CTNNA2: variants seen among roughly 807,000 people sequenced by gnomAD.
CTNNA2 encodes the protein catenin alpha-2.
CTNNA2 carries 42 observed loss-of-function variants against 101.0 expected under a neutral mutation model. The ratio of observed to expected loss-of-function variants is 0.42; its 90% CI spans 0.32 to 0.54. The LOEUF is 0.54. Ranked by LOEUF, CTNNA2 falls within the 20% of genes least tolerant of loss-of-function variation. The pLI is 0.14. For synonymous variants in CTNNA2, 450 were observed against 456.4 expected (o/e 0.99, Z 0.18); for missense variants, 871 against 1,223.1 (o/e 0.71, Z 4.29).
chr2:79,831,220 G>T (rs1437678772), intron 3 of CTNNA2, among the ~76,000 whole-genome samples: 1 of 151,602 alleles, frequency 6.6e-6, no homozygotes, highest in Admixed American at 6.6e-5. Flanking sequence ...TACATTAACT[G>T]TTAAATTTTG....
intron 2 of CTNNA2, among the ~76,000 whole-genome samples, chr2:79,262,858 C>T (rs1167909780): frequency 6.6e-6 from 1 of 152,144 alleles, no homozygotes; most frequent in African/African-American, 2.4e-5. Context: ...TTTACTACTA[C>T]ATTCATTTAC....
chr2:80,627,124 T>C (rs1356996017), intron 18 of CTNNA2, among the ~76,000 whole-genome samples: 1 of 152,170 alleles, frequency 6.6e-6, no homozygotes, highest in African/African-American at 2.4e-5. Flanking sequence ...TTGATGGGCA[T>C]TTGGGTTGGT....
intron 7 of CTNNA2, among the ~76,000 whole-genome samples, chr2:80,042,303 T>C (rs1303420843): frequency 3.3e-5 from 5 of 152,176 alleles, no homozygotes; most frequent in Non-Finnish European, 7.3e-5. Flanking sequence ...TTTTTGTTTG[T>C]TTATTTGTTT....
intron 4 of CTNNA2, among the ~76,000 whole-genome samples, chr2:79,474,024 G>A (rs1400901920): frequency 1.3e-5 from 2 of 151,996 alleles, no homozygotes; most frequent in Non-Finnish European, 2.9e-5. Flanking sequence ...ATTTTAATTA[G>A]TTTAAACTAC....
intron 9 of CTNNA2, among the ~76,000 whole-genome samples, chr2:80,428,991 A>T (rs1398401108): frequency 1.3e-5 from 2 of 152,198 alleles, no homozygotes; most frequent in South Asian, 2.1e-4. Context: ...AAGTTTCTCT[A>T]ATCAATTGAG....
chr2:79,554,924 TAG>T (rs1351729275), intron 1 of CTNNA2, among the ~76,000 whole-genome samples: 13 of 152,306 alleles, frequency 8.5e-5, no homozygotes, highest in East Asian at 1.9e-4. Context: ...AGCCTATTGA[TAG>T]TTGGTATCAG....
At chr2:79,955,275 G>T (rs556882604) in intron 7 of CTNNA2, among the ~76,000 whole-genome samples, 1 of 152,150 alleles carries the variant, frequency 6.6e-6, no homozygotes. Context: ...CCCTTCATGT[G>T]GTTTAATAGA....
chr2:79,822,050 A>G (rs1678053858), intron 3 of CTNNA2, among the ~76,000 whole-genome samples: 6 of 152,304 alleles, frequency 3.9e-5, no homozygotes, highest in Middle Eastern at 3.4e-3. Context: ...TGTTTTTGCT[A>G]TTATAATTGC....
Position 80,647,668 on chromosome 2 carries a change from C to A in CTNNA2, c.2658C>A (p.Ala886=). 2.5e-6 allele frequency: 4 copies of A among 1,613,418 alleles called. No individual in the cohort carries two copies. Among genetic ancestry groups the A allele is most frequent in the Non-Finnish European group, 3.4e-6 (4 of 1,179,484 alleles). ...TCACGGTGAAAGCATCCTATGTGGC[C>A]TCAACCAAATACCAGAAGGTCTATG... is the stretch of plus-strand genomic sequence containing the variant. ...VVLTVKASYV[A]STKYQKVYGT... is the part of the protein sequence containing the mutation. Residue 886 remains alanine (A), a synonymous_variant, in exon 19 of 19, where the codon GCC becomes GCA. Transcript: ENST00000402739.
chr2:79,802,348 A>G (rs1267186444), intron 3 of CTNNA2, among the ~76,000 whole-genome samples: 1 of 152,194 alleles, frequency 6.6e-6, no homozygotes, highest in Non-Finnish European at 1.5e-5. Context: ...TACAAAGTAG[A>G]GCTATAGGAG....
At chr2:79,581,207 T>C (rs1335356652) in intron 1 of CTNNA2, among the ~76,000 whole-genome samples, 1 of 152,202 alleles carries the variant, frequency 6.6e-6, no homozygotes, top group Non-Finnish European at 1.5e-5. Flanking sequence ...AACATTATGC[T>C]GGTGAAGATA....
At chr2:79,677,320 C>G (rs1683253970) in intron 2 of CTNNA2, among the ~76,000 whole-genome samples, 1 of 152,104 alleles carries the variant, frequency 6.6e-6, no homozygotes, top group African/African-American at 2.4e-5. Context: ...GATGGAGAGA[C>G]TAGTTTTTCC....
intron 7 of CTNNA2, among the ~76,000 whole-genome samples, chr2:80,079,828 T>TAAAATAAATAAAATA (rs371009954): frequency 3.3e-5 from 4 of 120,086 alleles, no homozygotes; most frequent in Non-Finnish European, 3.5e-5. Flanking sequence ...TAAAATAAAA[T>TAAAATAAATAAAATA]AAATAAAATA....
chr2:80,432,103 C>CT (rs1681587799), intron 9 of CTNNA2, among the ~76,000 whole-genome samples: 2 of 151,954 alleles, frequency 1.3e-5, no homozygotes, highest in Non-Finnish European at 2.9e-5. Flanking sequence ...ATTTTACATT[C>CT]TTTTTTCACA....
Position 80,604,197 on chromosome 2 carries a change from G to A in CTNNA2, c.2295+18G>A, listed in dbSNP as rs1305885078. ...CTGATCAGGTAATAGAAGAGGGAAG[G>A]GTGGGCACATGCTGAGTGGAGTCAC... is the stretch of plus-strand genomic sequence containing the variant. On this transcript the variant is annotated intron_variant, in intron 16 of 18. Transcript: ENST00000402739. 1 of 1,601,572 alleles carries A rather than the reference G, an allele frequency of 6.2e-7. No individual in the cohort carries two copies. Among genetic ancestry groups the A allele is most frequent in the Non-Finnish European group, 8.5e-7 (1 of 1,170,358 alleles).
At chr2:80,641,390 C>A (rs1395463133) in intron 18 of CTNNA2, among the ~76,000 whole-genome samples, 1 of 152,092 alleles carries the variant, frequency 6.6e-6, no homozygotes, top group East Asian at 1.9e-4. Context: ...TGAAAAAAGA[C>A]ATACAATGTG....
At chr2:80,121,733 G>C (rs1417752468) in intron 7 of CTNNA2, among the ~76,000 whole-genome samples, 1 of 152,170 alleles carries the variant, frequency 6.6e-6, no homozygotes, top group African/African-American at 2.4e-5. Context: ...AACCTGTAGG[G>C]AAGGTGAATG....
At chr2:79,912,167 A>G (rs1341979398) in intron 7 of CTNNA2, among the ~76,000 whole-genome samples, 2 of 152,232 alleles carry the variant, frequency 1.3e-5, no homozygotes, top group Admixed American at 1.3e-4. Flanking sequence ...ATATTTAAAA[A>G]TCAGCATAAC....
chr2:79,585,548 A>G (rs1339812155), intron 1 of CTNNA2, among the ~76,000 whole-genome samples: 2 of 152,108 alleles, frequency 1.3e-5, no homozygotes, highest in Non-Finnish European at 2.9e-5. Flanking sequence ...GATTGGTTTA[A>G]TATATGGTAC....
Sources: gnomAD v4.1 joint callset for allele counts (sites outside exome capture counted in the v4.1 genomes callset) on GRCh38, gnomAD v4.1.1 for gene constraint, MANE v1.5 for transcripts, NCBI Gene and HGNC (gene_info 2026-07-23, HGNC 2026-07-21) for gene names.